Variants in GNAQ observed in about 807,000 individuals in gnomAD.
GNAQ encodes the protein guanine nucleotide-binding protein G(q) subunit alpha.
In GNAQ, 8 loss-of-function variants were observed where a neutral mutation model predicts 43.9. The observed-to-expected ratio is 0.18, with a 90% CI of 0.11 to 0.33. The LOEUF (loss-of-function observed/expected upper bound fraction) is 0.33, where lower values mean the gene tolerates loss of function less well. GNAQ is among the 10% of genes least tolerant of loss of function. The probability of loss-of-function intolerance (pLI) is 1.00; values close to 1 mark genes in which losing one functional copy is unlikely to be tolerated. For missense variants in GNAQ, 158 were observed against 450.8 expected, an observed-to-expected ratio of 0.35 and a Z score of 5.88; for synonymous variants, 155 against 170.7, an observed-to-expected ratio of 0.91 and a Z score of 0.71.
chr9:78,026,639 T>C (rs1281025407), intron 1 of GNAQ, among the ~76,000 whole-genome samples: 4 of 152,126 alleles, frequency 2.6e-5, no homozygotes, highest in Non-Finnish European at 4.4e-5. Context: ...GGCACTGACC[T>C]CTAGGTTAAT....
At chr9:77,761,465 C>A (rs1170517314) in intron 5 of GNAQ, among the ~76,000 whole-genome samples, 1 of 126,950 alleles carries the variant, frequency 7.9e-6, no homozygotes, top group Admixed American at 7.7e-5. Flanking sequence ...GTCAGCCCCC[C>A]GCCTGGCCAG....
intron 5 of GNAQ, among the ~76,000 whole-genome samples, chr9:77,779,882 A>G (rs1587913163): frequency 1.3e-5 from 2 of 151,862 alleles, no homozygotes; most frequent in African/African-American, 2.4e-5. Context: ...AAAACAGACA[A>G]TCTGAATAGG....
In GNAQ at chr9:77,734,043, G is replaced by C. The variant is rs75314295; in HGVS notation, c.736-5376C>G. ...ATCTCCGCATAACAATTACCAAAGG[G>C]CCTAAAGGGACAATATTTCGTGTCT... On this transcript the variant is annotated intron_variant, in intron 5 of 6. Transcript: ENST00000286548. Among the ~76,000 whole-genome samples, 749 of 152,260 alleles carry C rather than the reference G, an allele frequency of 4.9e-3. 9 individuals are homozygous for C. The highest frequency in any genetic ancestry group is 0.017 in the African/African-American group (719 of 41,554).
intron 1 of GNAQ, among the ~76,000 whole-genome samples, chr9:77,965,980 T>C (rs949950877): frequency 1.3e-5 from 2 of 152,244 alleles, no homozygotes; most frequent in Admixed American, 1.3e-4. Flanking sequence ...AGTACATCCA[T>C]ACAACAAAAT....
At position 77,760,352 on chromosome 9, in the gene GNAQ, G is replaced by A. The variant is rs1159927943; in HGVS notation, c.736-31685C>T. Among the ~76,000 whole-genome samples, 16 of 152,214 alleles carry A rather than the reference G, an allele frequency of 1.1e-4. No homozygotes were observed. In the East Asian group the frequency reaches 1.5e-3, roughly 15 times the overall value. On this transcript the variant is annotated intron_variant, in intron 5 of 6. Coordinates refer to ENST00000286548, the MANE Select transcript of GNAQ (RefSeq NM_002072.5). ...CTGCTGAGTGCCTGCGAGTGCAGGC[G>A]CGCGCCGCCACGCCTGACTGGTTTT...
At chr9:77,744,016 T>C (rs944237423) in intron 5 of GNAQ, among the ~76,000 whole-genome samples, 12 of 152,246 alleles carry the variant, frequency 7.9e-5, no homozygotes, top group African/African-American at 2.2e-4. Flanking sequence ...GAAGAAATCA[T>C]ACATAGTCTA....
chr9:77,818,962 G>A (rs1414545420), intron 2 of GNAQ, among the ~76,000 whole-genome samples: 3 of 120,642 alleles, frequency 2.5e-5, no homozygotes, highest in Admixed American at 2.3e-4. Context: ...ATAGCACCAC[G>A]GCATTCCAGC....
At chr9:77,727,910 CAG>C (rs1825423045) in intron 6 of GNAQ, among the ~76,000 whole-genome samples, 1 of 152,140 alleles carries the variant, frequency 6.6e-6, no homozygotes, top group Non-Finnish European at 1.5e-5. Context: ...AAGGGAGACA[CAG>C]AGGGGACTAT....
chr9:77,942,599 T>C (rs1237412151), intron 1 of GNAQ, among the ~76,000 whole-genome samples: 1 of 152,296 alleles, frequency 6.6e-6, no homozygotes, highest in East Asian at 1.9e-4. Flanking sequence ...ATAGATTTCC[T>C]GGGAAACTCA....
rs550748851 is a variant in GNAQ, at chr9:77,804,641, C to T, written c.477-6993G>A. 5.3e-5 allele frequency among the ~76,000 whole-genome samples: 8 copies of T among 152,246 alleles called. No homozygotes were observed. The East Asian group carries it at 1.5e-3, about 29-fold the overall frequency. ...AATTTCATGCAAATCCAACCAGACA[C>T]AATAGGATAAATGAAATCGCATCTT... On this transcript the variant is annotated intron_variant, in intron 3 of 6. Coordinates refer to ENST00000286548, the MANE Select transcript of GNAQ (RefSeq NM_002072.5).
chr9:77,985,089 T>C (rs1031776843), intron 1 of GNAQ, among the ~76,000 whole-genome samples: 3 of 152,134 alleles, frequency 2.0e-5, no homozygotes, highest in African/African-American at 7.2e-5. Context: ...GGCAGGCAGA[T>C]CACAAGGTGA....
At chr9:77,830,135 G>A (rs1288117474) in intron 2 of GNAQ, among the ~76,000 whole-genome samples, 1 of 151,948 alleles carries the variant, frequency 6.6e-6, no homozygotes, top group Admixed American at 6.6e-5. Context: ...GAATTTTTTT[G>A]TTGAGACAAG....
At chr9:77,951,572 T>TA (rs1306387226) in intron 1 of GNAQ, among the ~76,000 whole-genome samples, 1 of 152,196 alleles carries the variant, frequency 6.6e-6, no homozygotes, top group Non-Finnish European at 1.5e-5. Flanking sequence ...GCTGTGTACC[T>TA]AAAAATGTAA....
intron 2 of GNAQ, among the ~76,000 whole-genome samples, chr9:77,855,678 T>C (rs1055700269): frequency 2.0e-5 from 3 of 152,074 alleles, no homozygotes; most frequent in Non-Finnish European, 2.9e-5. Flanking sequence ...TATTAAAGTA[T>C]TTCAAGGCAA....
Position 77,918,013 on chromosome 9 carries a change from T to C in GNAQ, c.321+4148A>G, listed in dbSNP as rs1273547584. 2.6e-5 allele frequency among the ~76,000 whole-genome samples: 4 copies of C among 152,140 alleles called. No homozygotes were observed. The East Asian group carries it at 7.7e-4, about 29-fold the overall frequency. On this transcript the variant is annotated intron_variant, in intron 2 of 6. Transcript: ENST00000286548. Reference sequence around the variant, plus strand: ...CAGAGACTGTGAACTGGACTCCCCCTGACCACAGCACCCTCCGGCCAGCTA... The same window carrying C: ...CAGAGACTGTGAACTGGACTCCCCCCGACCACAGCACCCTCCGGCCAGCTA...
At chr9:77,895,212 AAC>A (rs1183876906) in intron 2 of GNAQ, among the ~76,000 whole-genome samples, 3 of 151,804 alleles carry the variant, frequency 2.0e-5, no homozygotes, top group Admixed American at 6.6e-5. Flanking sequence ...AAAAAAAAAA[AAC>A]AGAATGGCAG....
At chr9:77,943,625 A>G (rs534737877) in intron 1 of GNAQ, among the ~76,000 whole-genome samples, 122 of 152,204 alleles carry the variant, frequency 8.0e-4, no homozygotes, top group African/African-American at 2.8e-3. Flanking sequence ...AAATTGGAAA[A>G]AAAAATAAAG....
At chr9:77,999,977 G>C (rs1197100461) in intron 1 of GNAQ, among the ~76,000 whole-genome samples, 4 of 152,146 alleles carry the variant, frequency 2.6e-5, no homozygotes, top group Non-Finnish European at 5.9e-5. Flanking sequence ...ATCAGTTTTA[G>C]ATCATAACTT....
intron 1 of GNAQ, among the ~76,000 whole-genome samples, chr9:78,012,339 G>A: frequency 6.7e-6 from 1 of 149,978 alleles, no homozygotes; most frequent in East Asian, 2.0e-4. Flanking sequence ...CCAGGTTCAA[G>A]TGACTCTCCT....
Sources: allele counts gnomAD v4.1 joint callset (sites outside exome capture counted in the v4.1 genomes callset), GRCh38; gene constraint gnomAD v4.1.1; transcripts MANE v1.5; gene names NCBI Gene and HGNC (gene_info 2026-07-23, HGNC 2026-07-21).